Variants in GRM5 observed in about 807,000 individuals in gnomAD.
GRM5 encodes metabotropic glutamate receptor 5.
A neutral mutation model predicts 83.1 loss-of-function variants in GRM5; 19 were observed. The ratio of observed to expected loss-of-function variants is 0.23; its 90% CI spans 0.16 to 0.34. GRM5 has a LOEUF of 0.34. GRM5 is among the 10% of genes least tolerant of loss of function. The pLI is 1.00. For missense variants in GRM5, 1,160 were observed against 1,588.3 expected (o/e 0.73, Z 4.58); for synonymous variants, 675 against 633.6 (o/e 1.07, Z -0.98).
intron 3 of GRM5, among the ~76,000 whole-genome samples, chr11:88,825,690 A>T (rs916135364): frequency 6.6e-6 from 1 of 152,202 alleles, no homozygotes; most frequent in East Asian, 1.9e-4. Flanking sequence ...GACAAGCTGG[A>T]CTCAAATGAT....
In GRM5 at chr11:88,831,411, C is replaced by A. The variant is rs545059133; in HGVS notation, c.911+18495G>T. On this transcript the variant is annotated intron_variant, in intron 3 of 9. Coordinates refer to ENST00000305447, the MANE Select transcript of GRM5 (RefSeq NM_001143831.3). ...CTATGGCTTTTGCCACTGAAAGCAA[C>A]TCCACCATTCCCAGAAGCAGGGCCA... 4.1e-4 allele frequency among the ~76,000 whole-genome samples: 63 copies of A among 152,348 alleles called. 1 individual carries two copies. In the South Asian group the frequency reaches 0.012, roughly 30 times the overall value.
chr11:88,924,474 A>C (rs1945752617), intron 2 of GRM5, among the ~76,000 whole-genome samples: 1 of 152,072 alleles, frequency 6.6e-6, no homozygotes, highest in African/African-American at 2.4e-5. Context: ...TTCAGCCTTG[A>C]AAAAGAAGGC....
At chr11:88,952,307 G>A (rs935844691) in intron 2 of GRM5, among the ~76,000 whole-genome samples, 5 of 152,062 alleles carry the variant, frequency 3.3e-5, no homozygotes, top group African/African-American at 1.2e-4. Flanking sequence ...ACTCTCTAAT[G>A]TGCCCATATA....
intron 8 of GRM5, among the ~76,000 whole-genome samples, chr11:88,548,483 C>A (rs1481944559): frequency 1.3e-5 from 2 of 152,156 alleles, no homozygotes; most frequent in Admixed American, 6.6e-5. Context: ...AATATCAATT[C>A]ATTATGCGAA....
At chr11:88,937,368 C>T (rs1297474934) in intron 2 of GRM5, among the ~76,000 whole-genome samples, 1 of 151,550 alleles carries the variant, frequency 6.6e-6, no homozygotes, top group Non-Finnish European at 1.5e-5. Flanking sequence ...TTTATATTTG[C>T]TTTACTTGTC....
intron 3 of GRM5, among the ~76,000 whole-genome samples, chr11:88,689,546 C>A (rs1011781310): frequency 1.9e-4 from 29 of 152,196 alleles, no homozygotes; most frequent in African/African-American, 6.8e-4. Flanking sequence ...TTGTATACTG[C>A]AGATAAACTG....
intron 1 of GRM5, among the ~76,000 whole-genome samples, chr11:89,059,344 T>C (rs1308009542): frequency 6.6e-6 from 1 of 152,226 alleles, no homozygotes; most frequent in African/African-American, 2.4e-5. Flanking sequence ...TGATTTCTGA[T>C]TATCTTCAAG....
At chr11:88,972,101 G>T (rs1287488694) in intron 2 of GRM5, among the ~76,000 whole-genome samples, 1 of 152,110 alleles carries the variant, frequency 6.6e-6, no homozygotes, top group Non-Finnish European at 1.5e-5. Context: ...AATCCAAAGG[G>T]CATCAGCCTA....
chr11:88,916,144 G>A (rs898690613), intron 2 of GRM5, among the ~76,000 whole-genome samples: 1 of 152,150 alleles, frequency 6.6e-6, no homozygotes, highest in Non-Finnish European at 1.5e-5. Flanking sequence ...TGTTCCCCTT[G>A]CAGGAACACC....
chr11:88,966,455 C>T (rs867362836), intron 2 of GRM5, among the ~76,000 whole-genome samples: 1 of 151,830 alleles, frequency 6.6e-6, no homozygotes, highest in Non-Finnish European at 1.5e-5. Flanking sequence ...ATACTGGCAA[C>T]CAAAAATGAG....
intron 3 of GRM5, among the ~76,000 whole-genome samples, chr11:88,848,061 GA>G (rs1450859243): frequency 6.6e-6 from 1 of 152,094 alleles, no homozygotes; most frequent in Non-Finnish European, 1.5e-5. Flanking sequence ...TTCCCTATCA[GA>G]AAAACAGAAC....
chr11:88,526,853 C>A (rs1481844429), intron 8 of GRM5, among the ~76,000 whole-genome samples: 1 of 151,884 alleles, frequency 6.6e-6, no homozygotes, highest in African/African-American at 2.4e-5. Flanking sequence ...TTATTAAATC[C>A]TAGGTAATGG....
chr11:88,835,041 T>G (rs1213447237), intron 3 of GRM5, among the ~76,000 whole-genome samples: 3 of 152,120 alleles, frequency 2.0e-5, no homozygotes, highest in Non-Finnish European at 2.9e-5. Context: ...ATGAAAGGTA[T>G]GAAGATTTAT....
chr11:88,983,990 AAAT>A (rs1200253149), intron 2 of GRM5, among the ~76,000 whole-genome samples: 1 of 152,180 alleles, frequency 6.6e-6, no homozygotes, highest in African/African-American at 2.4e-5. Context: ...AATATAAAGA[AAAT>A]AATTGTGCAC....
chr11:88,632,606 G>A (rs1006150019), intron 4 of GRM5, among the ~76,000 whole-genome samples: 2 of 152,110 alleles, frequency 1.3e-5, no homozygotes, highest in African/African-American at 4.8e-5. Flanking sequence ...ATCACAGTTT[G>A]TGTATTCTTT....
At chr11:88,925,436 G>A (rs573613025) in intron 2 of GRM5, among the ~76,000 whole-genome samples, 22 of 151,956 alleles carry the variant, frequency 1.4e-4, no homozygotes, top group African/African-American at 4.8e-4. Flanking sequence ...TTGCTGACCC[G>A]TCATGTATTT....
At position 88,628,298 on chromosome 11, in the gene GRM5, G is replaced by A. The variant is rs374951391; in HGVS notation, c.1148-23334C>T. The stretch of plus-strand genomic sequence containing the variant: ...AAATACCTGATGGAAGAGATTAACC[G>A]CTAACTATTCTTGGCCTCCTCTCTT... On this transcript the variant is annotated intron_variant, in intron 4 of 9. Transcript: ENST00000305447. Among the ~76,000 whole-genome samples, 13 of 152,140 alleles carry A rather than the reference G, an allele frequency of 8.5e-5. 2 individuals are homozygous for A. The highest frequency in any genetic ancestry group is 3.3e-4 in the Admixed American group (5 of 15,262).
intron 2 of GRM5, among the ~76,000 whole-genome samples, chr11:88,868,740 T>C (rs1944712628): frequency 6.6e-6 from 1 of 151,766 alleles, no homozygotes; most frequent in Non-Finnish European, 1.5e-5. Context: ...CAGTAGTTTT[T>C]CCAAAGTAAC....
chr11:88,911,010 T>C (rs1431504708), intron 2 of GRM5, among the ~76,000 whole-genome samples: 1 of 152,150 alleles, frequency 6.6e-6, no homozygotes, highest in Non-Finnish European at 1.5e-5. Flanking sequence ...TGAAATGCTC[T>C]AAAATAACAA....
Sources: gnomAD v4.1 joint callset for allele counts (sites outside exome capture counted in the v4.1 genomes callset) on GRCh38, gnomAD v4.1.1 for gene constraint, MANE v1.5 for transcripts, NCBI Gene and HGNC (gene_info 2026-07-23, HGNC 2026-07-21) for gene names.